Variants in DENND1A observed in about 807,000 individuals in gnomAD.
DENND1A encodes the protein DENN domain-containing protein 1A.
Under a neutral mutation model 113.7 loss-of-function variants are expected in DENND1A, and 51 were observed. The ratio of observed to expected loss-of-function variants is 0.45; its 90% CI spans 0.36 to 0.57. The LOEUF is 0.57. Among genes scored for constraint, DENND1A ranks in the 20% least tolerant of loss-of-function variants. The pLI is 0.00. For synonymous variants in DENND1A, 565 were observed against 570.8 expected (o/e 0.99, Z 0.14); for missense variants, 1,258 against 1,395.9 (o/e 0.90, Z 1.57).
In DENND1A at chr9:123,913,973, G is replaced by C. The variant is rs141683320; in HGVS notation, c.17+15916C>G. ...AGTCTCAGGCACTTTCTGCACTGCA[G>C]GCAGCAGTGCAGACATGGTCAGGTC... On this transcript the variant is annotated intron_variant, in intron 1 of 23. Coordinates refer to ENST00000394215, the MANE Select transcript of DENND1A (RefSeq NM_001352964.2). Among the ~76,000 whole-genome samples, 387 of 151,408 alleles carry C rather than the reference G, an allele frequency of 2.6e-3. 2 individuals carry two copies. Among genetic ancestry groups the C allele is most frequent in the Non-Finnish European group, 4.6e-3 (309 of 67,884 alleles).
chr9:123,528,951 T>G (rs2055068438), intron 13 of DENND1A, among the ~76,000 whole-genome samples: 1 of 152,224 alleles, frequency 6.6e-6, no homozygotes, highest in Non-Finnish European at 1.5e-5. Flanking sequence ...AGTGAGTATC[T>G]CCTCCTCTGC....
At chr9:123,836,470 A>AG (rs568249080) in intron 2 of DENND1A, among the ~76,000 whole-genome samples, 16 of 152,198 alleles carry the variant, frequency 1.1e-4, no homozygotes, top group Non-Finnish European at 1.8e-4. Context: ...CAAATTATAG[A>AG]GGGGAAAAAT....
chr9:123,928,206 T>C (rs981479628), intron 1 of DENND1A, among the ~76,000 whole-genome samples: 2 of 152,228 alleles, frequency 1.3e-5, no homozygotes, highest in Admixed American at 1.3e-4. Context: ...CCTGCTACCT[T>C]GGAGAGCAAC....
intron 13 of DENND1A, among the ~76,000 whole-genome samples, chr9:123,489,549 C>T (rs543516412): frequency 3.2e-4 from 49 of 152,310 alleles, no homozygotes; most frequent in African/African-American, 1.0e-3. Flanking sequence ...CCTGTGGTAC[C>T]GAAGGCCCCA....
intron 2 of DENND1A, among the ~76,000 whole-genome samples, chr9:123,813,928 TAAG>T (rs1837050007): frequency 6.6e-6 from 1 of 152,186 alleles, no homozygotes; most frequent in Non-Finnish European, 1.5e-5. Context: ...GTTACAGCAT[TAAG>T]AAGAGAAATG....
chr9:123,877,762 C>T (rs1197092415), intron 2 of DENND1A, among the ~76,000 whole-genome samples: 1 of 151,654 alleles, frequency 6.6e-6, no homozygotes, highest in African/African-American at 2.4e-5. Context: ...GCGGAAGCTG[C>T]AGTGAGCCGA....
At chr9:123,639,777 C>CAAAAAAAAAAAAAA (rs199515973) in intron 9 of DENND1A, among the ~76,000 whole-genome samples, 5 of 115,666 alleles carry the variant, frequency 4.3e-5, no homozygotes, top group Non-Finnish European at 7.7e-5. Flanking sequence ...AACTCCATCT[C>CAAAAAAAAAAAAAA]AAAAAAAAAA....
chr9:123,712,086 C>T (rs770185104), intron 5 of DENND1A, among the ~76,000 whole-genome samples: 3 of 152,210 alleles, frequency 2.0e-5, no homozygotes, highest in Non-Finnish European at 4.4e-5. Flanking sequence ...AAAAATTCCA[C>T]ACAAACATAT....
chr9:123,914,066 A>T (rs933652528), intron 1 of DENND1A, among the ~76,000 whole-genome samples: 4 of 151,940 alleles, frequency 2.6e-5, no homozygotes, highest in African/African-American at 9.7e-5. Flanking sequence ...TCATAAAGAT[A>T]TATTTTAAGC....
At chr9:123,850,996 T>C (rs1436945001) in intron 2 of DENND1A, among the ~76,000 whole-genome samples, 3 of 151,908 alleles carry the variant, frequency 2.0e-5, no homozygotes, top group Non-Finnish European at 4.4e-5. Context: ...TTTTAAAAGA[T>C]CCAACTATAT....
At chr9:123,412,798 T>C (rs936804127) in intron 19 of DENND1A, among the ~76,000 whole-genome samples, 1 of 152,116 alleles carries the variant, frequency 6.6e-6, no homozygotes, top group African/African-American at 2.4e-5. Flanking sequence ...CCGGGAGGCT[T>C]CCGGTTGTTT....
intron 2 of DENND1A, among the ~76,000 whole-genome samples, chr9:123,798,725 CAAAAAA>C (rs59256751): frequency 1.6e-4 from 11 of 70,040 alleles, no homozygotes; most frequent in Admixed American, 3.5e-4. Context: ...GTGCTGGAGG[CAAAAAA>C]AAAAAAAAAA....
chr9:123,837,631 T>C (rs1841232722), intron 2 of DENND1A, among the ~76,000 whole-genome samples: 1 of 152,202 alleles, frequency 6.6e-6, no homozygotes, highest in African/African-American at 2.4e-5. Context: ...CAACACTATA[T>C]AAAGAAGGCT....
intron 1 of DENND1A, among the ~76,000 whole-genome samples, chr9:123,917,506 T>C (rs535706402): frequency 2.0e-5 from 3 of 152,206 alleles, no homozygotes; most frequent in South Asian, 4.1e-4. Context: ...GTAAAAGTGA[T>C]GAGGTTAAAT....
chr9:123,649,865 T>C (rs2062548718), intron 9 of DENND1A, among the ~76,000 whole-genome samples: 1 of 152,216 alleles, frequency 6.6e-6, no homozygotes, highest in Non-Finnish European at 1.5e-5. Context: ...ACACAGAAGG[T>C]TCATTCTTCC....
chr9:123,800,748 C>T (rs1834510969), intron 2 of DENND1A, among the ~76,000 whole-genome samples: 1 of 152,154 alleles, frequency 6.6e-6, no homozygotes, highest in Non-Finnish European at 1.5e-5. Context: ...AAGTAACTGG[C>T]ACTCTATTCA....
At chr9:123,912,523 A>G (rs182575858) in intron 1 of DENND1A, among the ~76,000 whole-genome samples, 1 of 152,202 alleles carries the variant, frequency 6.6e-6, no homozygotes, top group African/African-American at 2.4e-5. Context: ...CAAACACCAC[A>G]GGAAACCCTG....
At chr9:123,662,954 T>C (rs2063319827) in intron 8 of DENND1A, among the ~76,000 whole-genome samples, 1 of 151,972 alleles carries the variant, frequency 6.6e-6, no homozygotes, top group Non-Finnish European at 1.5e-5. Flanking sequence ...GTGATATCTG[T>C]AACAGAAAAA....
chr9:123,626,375 C>A (rs1480684892), intron 10 of DENND1A, among the ~76,000 whole-genome samples: 1 of 151,896 alleles, frequency 6.6e-6, no homozygotes, highest in Non-Finnish European at 1.5e-5. Flanking sequence ...GGGATGGCAG[C>A]AGGTTCTACA....
Sources: gnomAD v4.1 joint callset for allele counts (sites outside exome capture counted in the v4.1 genomes callset) on GRCh38, gnomAD v4.1.1 for gene constraint, MANE v1.5 for transcripts, NCBI Gene and HGNC (gene_info 2026-07-23, HGNC 2026-07-21) for gene names.